The following MYO9A variants were observed in gnomAD, a reference collection of about 807,000 sequenced individuals.
MYO9A encodes unconventional myosin-IXa.
In MYO9A, 103 loss-of-function variants were observed where a neutral mutation model predicts 293.3. The ratio of observed to expected loss-of-function variants is 0.35; its 90% CI spans 0.30 to 0.41. The LOEUF (loss-of-function observed/expected upper bound fraction) is 0.41, where lower values mean the gene tolerates loss of function less well. Among genes scored for constraint, MYO9A ranks in the 10% least tolerant of loss-of-function variants. MYO9A has a pLI of 1.00. For synonymous variants in MYO9A, 1,001 were observed against 1,035.7 expected (o/e 0.97, Z 0.64); for missense variants, 2,685 against 3,033.0 (o/e 0.89, Z 2.69).
chr15:71,985,108 T>C (rs1056165548), intron 11 of MYO9A, among the ~76,000 whole-genome samples: 1 of 152,076 alleles, frequency 6.6e-6, no homozygotes, highest in African/African-American at 2.4e-5. Context: ...TTAGTAAAGA[T>C]GGGGTTTCAC....
chr15:71,868,969 T>C (rs1404350991), intron 32 of MYO9A, among the ~76,000 whole-genome samples: 1 of 152,174 alleles, frequency 6.6e-6, no homozygotes, highest in Non-Finnish European at 1.5e-5. Flanking sequence ...TTATCACAAA[T>C]TTGTCCAGTG....
At chr15:71,991,019 T>A in intron 11 of MYO9A, 84 bp downstream of exon 11, 1 of 1,222,886 alleles carries the variant, frequency 8.2e-7, no homozygotes, top group South Asian at 2.3e-5. Context: ...ATAAAATGTG[T>A]GAAAAAATGA....
chr15:71,829,152 T>C (rs2054620738), intron 40 of MYO9A, among the ~76,000 whole-genome samples: 3 of 152,206 alleles, frequency 2.0e-5, no homozygotes, highest in African/African-American at 7.2e-5. Flanking sequence ...AAAGCCAAAC[T>C]GGGTCTTCTT....
At chr15:71,832,218 G>A (rs2054757450) in intron 39 of MYO9A, among the ~76,000 whole-genome samples, 1 of 152,202 alleles carries the variant, frequency 6.6e-6, no homozygotes. Flanking sequence ...AGAGGTTGCA[G>A]TGAGCCAAGA....
chr15:72,001,250 G>A (rs1487879637), intron 8 of MYO9A, among the ~76,000 whole-genome samples: 3 of 152,008 alleles, frequency 2.0e-5, no homozygotes, highest in Non-Finnish European at 2.9e-5. Flanking sequence ...AAATTTATCA[G>A]GTAAAAAATA....
chr15:71,936,502 A>C (rs553201350), intron 16 of MYO9A, among the ~76,000 whole-genome samples: 1 of 152,170 alleles, frequency 6.6e-6, no homozygotes, highest in East Asian at 1.9e-4. Context: ...CCCACCACAA[A>C]AAAATGACAC....
intron 31 of MYO9A, among the ~76,000 whole-genome samples, chr15:71,877,747 C>T (rs2056738437): frequency 1.3e-5 from 2 of 152,214 alleles, no homozygotes; most frequent in East Asian, 3.9e-4. Flanking sequence ...CATGAGCCAC[C>T]GCCCCACCCC....
chr15:72,006,476 C>T (rs1269874038), intron 8 of MYO9A, among the ~76,000 whole-genome samples: 2 of 152,178 alleles, frequency 1.3e-5, no homozygotes, highest in Non-Finnish European at 2.9e-5. Context: ...AATTATATTA[C>T]ATCCTGGAAA....
In MYO9A at chr15:71,877,715, C is replaced by T. The variant is rs961959763; in HGVS notation, c.5931+325G>A. On this transcript the variant is annotated intron_variant, in intron 31 of 41. Coordinates refer to ENST00000356056, the MANE Select transcript of MYO9A (RefSeq NM_006901.4). ...TCAAGTTCTCTGCCAATCTAGGCCT[C>T]CCAAAGTGCTGGGATTACAGGCATG... Among the ~76,000 whole-genome samples, 5 of 152,310 alleles carry T rather than the reference C, an allele frequency of 3.3e-5. No homozygotes were observed. In the East Asian group the frequency reaches 7.7e-4, roughly 24 times the overall value.
intron 8 of MYO9A, among the ~76,000 whole-genome samples, chr15:72,004,053 C>T (rs1302083683): frequency 2.6e-5 from 4 of 152,154 alleles, no homozygotes; most frequent in Admixed American, 6.6e-5. Context: ...CCAAAACATA[C>T]TAATCTTGCA....
chr15:72,065,041 T>A (rs2078978726), intron 1 of MYO9A, among the ~76,000 whole-genome samples: 1 of 152,162 alleles, frequency 6.6e-6, no homozygotes, highest in Non-Finnish European at 1.5e-5. Flanking sequence ...ACAATGATGT[T>A]CTAACTTAAA....
intron 30 of MYO9A, 74 bp from the exon 31 acceptor site, chr15:71,878,305 T>C: frequency 9.8e-7 from 1 of 1,024,786 alleles, no homozygotes; most frequent in South Asian, 2.2e-5. Context: ...ATTACACTTG[T>C]AATGGGGTAG....
intron 1 of MYO9A, among the ~76,000 whole-genome samples, chr15:72,109,380 G>C (rs538730304): frequency 6.8e-6 from 1 of 147,442 alleles, no homozygotes; most frequent in Non-Finnish European, 1.5e-5. Flanking sequence ...ACAGAGCAAG[G>C]CTCTGTCTAA....
rs2055490429 is a variant in MYO9A at position 71,848,518 on chromosome 15, AG to A, written c.6837+326del. 2.0e-5 allele frequency among the ~76,000 whole-genome samples: 3 copies of A among 152,278 alleles called. No individual in the cohort carries two copies. The South Asian group carries it at 6.2e-4, about 32-fold the overall frequency. ...ATTAAAGGCGGGAACAGACAGTGGA[AG>A]GAAGTGGAGAAAAAAGTTAGAAGAG... is the stretch of plus-strand genomic sequence containing the variant. On this transcript the variant is annotated intron_variant, in intron 39 of 41. Transcript: ENST00000356056.
At chr15:71,918,191 A>AT (rs1318652533) in intron 18 of MYO9A, among the ~76,000 whole-genome samples, 1 of 152,188 alleles carries the variant, frequency 6.6e-6, no homozygotes, top group Non-Finnish European at 1.5e-5. Flanking sequence ...AAGAGCCAGT[A>AT]TTCATGAGGT....
rs560268022 is a variant in MYO9A at position 71,958,123 on chromosome 15, T to C, written c.2182+1778A>G. The stretch of plus-strand genomic sequence containing the variant: ...CTTCTTTCTTCTTTAGAAAGTATTA[T>C]CTTTGCCCTCTTATTCTCATATCCA... On this transcript the variant is annotated intron_variant, in intron 14 of 41. Transcript: ENST00000356056. 2.0e-5 allele frequency among the ~76,000 whole-genome samples: 3 copies of C among 152,292 alleles called. No homozygotes were observed. The South Asian group carries it at 6.2e-4, about 32-fold the overall frequency.
intron 6 of MYO9A, 50 bp downstream of exon 6, chr15:72,018,989 T>C (rs1279044144): frequency 8.9e-6 from 13 of 1,458,536 alleles, no homozygotes; most frequent in Non-Finnish European, 1.2e-5. Context: ...AAATGCGCAA[T>C]GTGAGGACCC....
chr15:71,913,857 A>G (rs2057931271), intron 19 of MYO9A, among the ~76,000 whole-genome samples: 1 of 137,872 alleles, frequency 7.3e-6, no homozygotes, highest in Non-Finnish European at 1.6e-5. Flanking sequence ...TGTCTTTCTG[A>G]GGATTCTACC....
At chr15:72,095,996 A>G (rs2080050385) in intron 1 of MYO9A, among the ~76,000 whole-genome samples, 1 of 151,854 alleles carries the variant, frequency 6.6e-6, no homozygotes, top group South Asian at 2.1e-4. Context: ...GAAAAACCCC[A>G]TCTCTACTAA....
Sources: gnomAD v4.1 joint callset for allele counts (sites outside exome capture counted in the v4.1 genomes callset) on GRCh38, gnomAD v4.1.1 for gene constraint, MANE v1.5 for transcripts, NCBI Gene and HGNC (gene_info 2026-07-23, HGNC 2026-07-21) for gene names.